Variants in VPS13D observed in about 807,000 individuals in gnomAD.
VPS13D encodes intermembrane lipid transfer protein VPS13D.
A neutral mutation model predicts 461.9 loss-of-function variants in VPS13D; 187 were observed. That is an observed-to-expected ratio of 0.40 (90% CI 0.36 to 0.46). The LOEUF (loss-of-function observed/expected upper bound fraction) is 0.46, where lower values mean the gene tolerates loss of function less well. Ranked by LOEUF, VPS13D falls within the 20% of genes least tolerant of loss-of-function variation. The pLI is 0.60. For synonymous variants in VPS13D, 1,951 were observed against 1,986.3 expected (o/e 0.98, Z 0.47); for missense variants, 4,711 against 5,364.9 (o/e 0.88, Z 3.81).
chr1:12,276,818 A>C lies in VPS13D; in HGVS notation c.3230A>C (p.Glu1077Ala), dbSNP rs756705969. ...SLDKILTKEQ[E>A]SLIKLEYQFV... ...GACAAAATTCTTACCAAAGAGCAAG[A>C]GTCCCTTATTAAGTTGGAATATCAG... The change falls in exon 19 of 70, where the codon GAG (glutamate) becomes GCG (alanine). Residue 1077 changes from glutamate (E) to alanine (A), a missense_variant. Glu to Ala is a moderately radical substitution (Grantham distance 107, BLOSUM62 -1). Coordinates refer to ENST00000620676, the MANE Select transcript of VPS13D (RefSeq NM_015378.4). This position sits in a 1 kb window ranked among gnomAD's most constrained non-coding sequence, Gnocchi z 4.5. 1.9e-6 allele frequency: 3 copies of C among 1,614,198 alleles called. No individual in the cohort carries two copies. The highest frequency in any genetic ancestry group is 2.2e-5 in the South Asian group (2 of 91,082).
chr1:12,498,519 G>C (rs1273968222), intron 68 of VPS13D, among the ~76,000 whole-genome samples: 1 of 152,190 alleles, frequency 6.6e-6, no homozygotes, highest in Admixed American at 6.5e-5. Context: ...GAAGGTATTT[G>C]TTGCTTGCCG....
chr1:12,470,610 A>G (rs960055196), intron 67 of VPS13D, among the ~76,000 whole-genome samples: 1 of 152,378 alleles, frequency 6.6e-6, no homozygotes, highest in East Asian at 1.9e-4. Context: ...CAGGCATTTA[A>G]TAAGTATTAA....
chr1:12,298,514 C>A (rs1307284632), intron 24 of VPS13D, among the ~76,000 whole-genome samples: 5 of 152,062 alleles, frequency 3.3e-5, no homozygotes, highest in Non-Finnish European at 5.9e-5. Context: ...GTGGCACGTG[C>A]CCGTAATCCC....
chr1:12,434,825 C>G (rs1181419849), intron 65 of VPS13D, among the ~76,000 whole-genome samples: 2 of 152,124 alleles, frequency 1.3e-5, no homozygotes. Context: ...CTAGGAAATT[C>G]CAATCAAAAG....
In VPS13D at chr1:12,495,811, T is replaced by C. The variant is rs1442571446; in HGVS notation, c.12663-1689T>C. Among the ~76,000 whole-genome samples, 1 of 152,212 alleles carries C rather than the reference T, an allele frequency of 6.6e-6. No homozygotes were observed. Among genetic ancestry groups the C allele is most frequent in the Non-Finnish European group, 1.5e-5 (1 of 68,034 alleles). ...ACTGCCCTGGGGAAAGGATACTTTA[T>C]TAGCCTGTGTAGGCAGTTATTGGAA... is the stretch of plus-strand genomic sequence containing the variant. On this transcript the variant is annotated intron_variant, in intron 67 of 69. Coordinates refer to ENST00000620676, the MANE Select transcript of VPS13D (RefSeq NM_015378.4). The surrounding 1 kb of genome is among the most constrained non-coding windows in gnomAD (Gnocchi z 4.0).
intron 19 of VPS13D, among the ~76,000 whole-genome samples, chr1:12,278,995 G>C (rs1641701251): frequency 6.6e-6 from 1 of 152,172 alleles, no homozygotes; most frequent in Non-Finnish European, 1.5e-5. Flanking sequence ...GTGGTCATCA[G>C]ATGTTAATTC....
chr1:12,357,208 G>A (rs1024819748), intron 49 of VPS13D, among the ~76,000 whole-genome samples: 2 of 152,176 alleles, frequency 1.3e-5, no homozygotes, highest in African/African-American at 2.4e-5. Context: ...CCGTGTTATC[G>A]GTAGAATCGT....
At chr1:12,351,421 G>T (rs1401890507) in intron 46 of VPS13D, among the ~76,000 whole-genome samples, 2 of 152,090 alleles carry the variant, frequency 1.3e-5, no homozygotes, top group Non-Finnish European at 2.9e-5. Flanking sequence ...CTCCTGAGTA[G>T]CTGGGATTAC....
intron 32 of VPS13D, among the ~76,000 whole-genome samples, chr1:12,320,518 T>C (rs1643008039): frequency 6.6e-6 from 1 of 152,234 alleles, no homozygotes; most frequent in South Asian, 2.1e-4. Context: ...TTTATGGTTT[T>C]GAGACAAACA....
At chr1:12,474,360 G>A (rs1040824397) in intron 67 of VPS13D, among the ~76,000 whole-genome samples, 1 of 152,112 alleles carries the variant, frequency 6.6e-6, no homozygotes, top group Non-Finnish European at 1.5e-5. Flanking sequence ...TATTATTTAA[G>A]GGTTTTAAAT....
In VPS13D at chr1:12,373,764, C is replaced by T; in HGVS notation, c.10823C>T (p.Thr3608Ile). ...TTAAATTCTAGCTTGCAGGAGGGAA[C>T]AGGCAGGCCTGTGGCTTCCAACAAG... ...TYTFSGLQEG[T>I]GRPVASNKAI... The change falls in exon 55 of 70, where the codon ACA becomes ATA. Residue 3608 changes from threonine to isoleucine, a missense_variant. Thr to Ile is a moderately conservative substitution (Grantham distance 89, BLOSUM62 -1). Around this residue, in one of 3 missense-constraint regions of VPS13D, gnomAD observed 4,411 missense variants for 4,937.8 expected, o/e 0.89. Coordinates refer to ENST00000620676, the MANE Select transcript of VPS13D (RefSeq NM_015378.4). 6.6e-7 allele frequency: 1 copy of T among 1,512,120 alleles called. No individual in the cohort carries two copies. Among genetic ancestry groups the T allele is most frequent in the Non-Finnish European group, 8.8e-7 (1 of 1,136,646 alleles). 93.7% of individuals were successfully genotyped at this position (1,512,120 alleles called of 1,614,324 possible).
At chr1:12,281,653 A>G (rs1641787635) in intron 20 of VPS13D, among the ~76,000 whole-genome samples, 1 of 152,072 alleles carries the variant, frequency 6.6e-6, no homozygotes, top group Non-Finnish European at 1.5e-5. Flanking sequence ...TCTCTTATTG[A>G]TGTTAAAGTG....
chr1:12,432,075 C>T (rs1363157840), intron 65 of VPS13D, among the ~76,000 whole-genome samples: 1 of 152,070 alleles, frequency 6.6e-6, no homozygotes, highest in East Asian at 1.9e-4. Flanking sequence ...GAATTGTCAT[C>T]GGGTTCTTTC....
chr1:12,423,313 A>G (rs1224900366), intron 65 of VPS13D, among the ~76,000 whole-genome samples: 2 of 152,180 alleles, frequency 1.3e-5, no homozygotes, highest in African/African-American at 4.8e-5. Flanking sequence ...CTCAGTTCTC[A>G]TTTTTAATTA....
At chr1:12,424,675 T>C (rs1436543393) in intron 65 of VPS13D, among the ~76,000 whole-genome samples, 1 of 152,222 alleles carries the variant, frequency 6.6e-6, no homozygotes, top group African/African-American at 2.4e-5. Flanking sequence ...GAGCAGGGAA[T>C]GAGTGATGCC....
At chr1:12,429,107 CT>C (rs74318727) in intron 65 of VPS13D, among the ~76,000 whole-genome samples, 15,049 of 141,284 alleles carry the variant, frequency 0.11, 799 homozygotes, top group Non-Finnish European at 0.14. Flanking sequence ...TATCTGACAA[CT>C]TTTTTTTTTT....
intron 65 of VPS13D, among the ~76,000 whole-genome samples, chr1:12,432,516 G>A (rs1384172274): frequency 2.6e-5 from 4 of 152,066 alleles, no homozygotes; most frequent in African/African-American, 9.7e-5. Flanking sequence ...CCAGTTGCCT[G>A]CTGTCCAGCA....
chr1:12,277,585 A>G lies in VPS13D; in HGVS notation c.3997A>G (p.Thr1333Ala). Residue 1333 changes from threonine to alanine, a missense_variant, in exon 19 of 70, where the codon ACT becomes GCT. Thr to Ala is a moderately conservative substitution (Grantham distance 58). This residue lies in a region of VPS13D where 4,411 missense variants were observed against 4,937.8 expected (regional missense o/e 0.89). Transcript: ENST00000620676. Reference sequence around the variant, plus strand: ...AGTCACCACAGTACTAGCTACCAAGACTGCCGAGTATAGCGAGATGGTATC... The same window carrying G: ...AGTCACCACAGTACTAGCTACCAAGGCTGCCGAGTATAGCGAGATGGTATC... ...TKVTTVLATK[T>A]AEYSEMVSLF... 6.2e-7 allele frequency: 1 copy of G among 1,614,004 alleles called. No individual in the cohort carries two copies. Among genetic ancestry groups the G allele is most frequent in the Non-Finnish European group, 8.5e-7 (1 of 1,180,032 alleles).
intron 26 of VPS13D, among the ~76,000 whole-genome samples, chr1:12,305,405 G>T (rs897514593): frequency 1.3e-5 from 2 of 152,096 alleles, no homozygotes; most frequent in Non-Finnish European, 2.9e-5. Context: ...CTCCTGAGTA[G>T]CTGGGACTAC....
Sources: gnomAD v4.1 joint callset for allele counts (sites outside exome capture counted in the v4.1 genomes callset) on GRCh38, gnomAD v4.1.1 for gene constraint, gnomAD v4.1.1 regional missense constraint, Gnocchi (gnomAD v3.1) non-coding constraint, MANE v1.5 for transcripts, NCBI Gene and HGNC (gene_info 2026-07-23, HGNC 2026-07-21) for gene names.